MEIS2: variants seen among roughly 807,000 people sequenced by gnomAD.
MEIS2 encodes the protein homeobox protein Meis2.
Under a neutral mutation model 58.6 loss-of-function variants are expected in MEIS2, and 9 were observed. The observed-to-expected ratio is 0.15, with a 90% confidence interval of 0.09 to 0.27. The LOEUF is 0.27. MEIS2 is among the 10% of genes least tolerant of loss of function. The pLI, the probability that MEIS2 is intolerant of heterozygous loss-of-function variation, is 1.00. For missense variants in MEIS2, 427 were observed against 635.0 expected, an observed-to-expected ratio of 0.67 and a Z score of 3.52; for synonymous variants, 221 against 228.4, an observed-to-expected ratio of 0.97 and a Z score of 0.29.
chr15:36,927,240 G>A (rs1266397168), intron 9 of MEIS2, among the ~76,000 whole-genome samples: 1 of 152,140 alleles, frequency 6.6e-6, no homozygotes, highest in Non-Finnish European at 1.5e-5. Flanking sequence ...ATGAGAGAGG[G>A]TCTGATGAGT....
intron 7 of MEIS2, among the ~76,000 whole-genome samples, chr15:37,077,685 C>T (rs1891593166): frequency 6.6e-6 from 1 of 152,008 alleles, no homozygotes; most frequent in Admixed American, 6.6e-5. Flanking sequence ...ATGGCACACA[C>T]ATTTGTGGAC....
At chr15:37,034,316 G>C (rs935781520) in intron 8 of MEIS2, among the ~76,000 whole-genome samples, 2 of 152,172 alleles carry the variant, frequency 1.3e-5, no homozygotes, top group African/African-American at 2.4e-5. Flanking sequence ...GGTTCAGCCA[G>C]TACAGAGGAT....
chr15:37,082,480 T>C (rs946148654), intron 7 of MEIS2, among the ~76,000 whole-genome samples: 2 of 152,150 alleles, frequency 1.3e-5, no homozygotes, highest in Non-Finnish European at 2.9e-5. Flanking sequence ...CACTGTGACA[T>C]GGAACCACAG....
chr15:36,908,903 C>T (rs897199525), intron 9 of MEIS2, among the ~76,000 whole-genome samples: 1 of 152,070 alleles, frequency 6.6e-6, no homozygotes, highest in African/African-American at 2.4e-5. Context: ...GGCGCCATTG[C>T]ACTCCAGCCT....
intron 8 of MEIS2, among the ~76,000 whole-genome samples, chr15:36,986,492 G>A (rs1204462605): frequency 6.6e-6 from 1 of 152,206 alleles, no homozygotes; most frequent in Non-Finnish European, 1.5e-5. Flanking sequence ...ACTTTACTCT[G>A]GCAGCTACAC....
At chr15:36,980,613 G>A (rs953690379) in intron 8 of MEIS2, among the ~76,000 whole-genome samples, 1 of 152,116 alleles carries the variant, frequency 6.6e-6, no homozygotes, top group Non-Finnish European at 1.5e-5. Flanking sequence ...AATTCAAGAT[G>A]AGATTTGGGT....
At chr15:36,942,979 A>G (rs1251566188) in intron 9 of MEIS2, among the ~76,000 whole-genome samples, 1 of 151,940 alleles carries the variant, frequency 6.6e-6, no homozygotes, top group East Asian at 1.9e-4. Flanking sequence ...CCCCCTTTCT[A>G]TTTTCTGCCT....
chr15:36,902,075 T>C (rs1039078320), intron 9 of MEIS2, among the ~76,000 whole-genome samples: 3 of 152,212 alleles, frequency 2.0e-5, no homozygotes, highest in Admixed American at 6.5e-5. Context: ...AGGAAATAAC[T>C]GGGCCTGGGT....
intron 9 of MEIS2, among the ~76,000 whole-genome samples, chr15:36,935,078 C>A (rs549566215): frequency 6.6e-6 from 1 of 152,172 alleles, no homozygotes; most frequent in East Asian, 1.9e-4. Context: ...AGTCCAAGGT[C>A]ACAGATTCAG....
rs2055805515 is a variant in MEIS2, at chr15:36,890,591, TCCA to T, written c.*1579_*1581del. 1 of 152,184 alleles carries T rather than the reference TCCA, an allele frequency of 6.6e-6. No individual in the cohort carries two copies. The highest frequency in any genetic ancestry group is 3.2e-3 in the Middle Eastern group (1 of 316). 9.4% of individuals were successfully genotyped at this position (152,184 alleles called of 1,614,324 possible). A position where few individuals can be genotyped will look rare whatever the true frequency, so the allele number is the denominator to read the frequency against. On this transcript the variant is annotated 3_prime_UTR_variant, in exon 12 of 12. Coordinates refer to ENST00000561208, the MANE Select transcript of MEIS2 (RefSeq NM_170675.5). ...CCATATGTAAATTTTCATTTACATA[TCCA>T]ACAATATTGTAGTAAGACAGGCAGA...
At chr15:36,974,603 C>T (rs2059677664) in intron 8 of MEIS2, among the ~76,000 whole-genome samples, 1 of 152,170 alleles carries the variant, frequency 6.6e-6, no homozygotes, top group African/African-American at 2.4e-5. Flanking sequence ...CTCAGCCCAC[C>T]TTATACTTTC....
intron 8 of MEIS2, among the ~76,000 whole-genome samples, chr15:37,023,970 G>A (rs904897206): frequency 1.4e-5 from 2 of 141,738 alleles, no homozygotes; most frequent in East Asian, 4.2e-4. Context: ...CTGGAGTGCA[G>A]TGGCACTCAG....
intron 8 of MEIS2, among the ~76,000 whole-genome samples, chr15:37,018,753 A>G (rs1008539475): frequency 4.6e-5 from 7 of 152,360 alleles, no homozygotes; most frequent in East Asian, 3.9e-4. Flanking sequence ...CATGACATCA[A>G]GATGGAAAGA....
intron 9 of MEIS2, among the ~76,000 whole-genome samples, chr15:36,930,658 C>G (rs1595748598): frequency 6.6e-6 from 1 of 151,298 alleles, no homozygotes; most frequent in Non-Finnish European, 1.5e-5. Flanking sequence ...AAGTCATAAG[C>G]AAAAAAAATG....
intron 8 of MEIS2, among the ~76,000 whole-genome samples, chr15:36,957,807 T>C (rs1485474393): frequency 6.6e-6 from 1 of 152,220 alleles, no homozygotes; most frequent in African/African-American, 2.4e-5. Flanking sequence ...TGGTGCTGTT[T>C]CCTGACAGAA....
At chr15:36,975,696 C>T (rs374532134) in intron 8 of MEIS2, among the ~76,000 whole-genome samples, 7 of 151,936 alleles carry the variant, frequency 4.6e-5, no homozygotes, top group South Asian at 2.1e-4. Flanking sequence ...ACACAATAGA[C>T]GATGTTCATG....
At chr15:37,037,340 A>G (rs2141738923) in intron 7 of MEIS2, among the ~76,000 whole-genome samples, 1 of 152,298 alleles carries the variant, frequency 6.6e-6, no homozygotes, top group Middle Eastern at 3.4e-3. Context: ...AATGTTCTGT[A>G]GTCTATATAT....
intron 9 of MEIS2, among the ~76,000 whole-genome samples, chr15:36,907,929 G>A (rs74354574): frequency 6.6e-6 from 1 of 150,742 alleles, no homozygotes; most frequent in African/African-American, 2.4e-5. Flanking sequence ...TGCCAATGGG[G>A]AAAAAAAAAT....
At chr15:36,981,084 T>G (rs1301903297) in intron 8 of MEIS2, among the ~76,000 whole-genome samples, 1 of 148,898 alleles carries the variant, frequency 6.7e-6, no homozygotes, top group Admixed American at 6.7e-5. Flanking sequence ...CTTTACAATA[T>G]AGCCCTTCAT....
Sources: allele counts gnomAD v4.1 joint callset (sites outside exome capture counted in the v4.1 genomes callset), GRCh38; gene constraint gnomAD v4.1.1; transcripts MANE v1.5; gene names NCBI Gene and HGNC (gene_info 2026-07-23, HGNC 2026-07-21).